Variants in NAALADL2 observed in about 807,000 individuals in gnomAD.
The protein encoded by NAALADL2 is N-acetylated alpha-linked acidic dipeptidase like 2.
Under a neutral mutation model 87.2 loss-of-function variants are expected in NAALADL2, and 76 were observed. That is an observed-to-expected ratio of 0.87 (90% CI 0.72 to 1.05). NAALADL2 has a LOEUF of 1.05. Ranked by LOEUF, NAALADL2 falls within the 50% of genes least tolerant of loss-of-function variation. The pLI is 0.00. For synonymous variants in NAALADL2, 354 were observed against 331.0 expected, an observed-to-expected ratio of 1.07 and a Z score of -0.75; for missense variants, 1,089 against 945.8, an observed-to-expected ratio of 1.15 and a Z score of -1.99.
At chr3:175,719,453 A>G (rs1234554324) in intron 11 of NAALADL2, among the ~76,000 whole-genome samples, 1 of 152,160 alleles carries the variant, frequency 6.6e-6, no homozygotes, top group Admixed American at 6.5e-5. Context: ...ACAGGTTTAT[A>G]TTATTCACAT....
At chr3:175,449,488 C>T (rs959923744) in intron 6 of NAALADL2, among the ~76,000 whole-genome samples, 8 of 150,742 alleles carry the variant, frequency 5.3e-5, no homozygotes, top group South Asian at 2.1e-4. Flanking sequence ...CTCCGCCTCC[C>T]GGGTTCACAC....
chr3:174,575,932 C>T (rs949067983), intron 2 of NAALADL2, among the ~76,000 whole-genome samples: 2 of 152,022 alleles, frequency 1.3e-5, no homozygotes, highest in African/African-American at 2.4e-5. Context: ...TGTGCGATCT[C>T]GGCTCACAGC....
At chr3:174,882,810 TGC>T (rs1374061836) in intron 1 of NAALADL2, among the ~76,000 whole-genome samples, 8 of 103,532 alleles carry the variant, frequency 7.7e-5, no homozygotes, top group Non-Finnish European at 1.3e-4. Context: ...TGTGTATATG[TGC>T]ATATGTGTAT....
intron 2 of NAALADL2, among the ~76,000 whole-genome samples, chr3:174,554,440 C>T (rs1374117020): frequency 6.6e-6 from 1 of 151,602 alleles, no homozygotes; most frequent in Non-Finnish European, 1.5e-5. Context: ...CTTCCCTTCC[C>T]TTCTCTTCAC....
intron 11 of NAALADL2, among the ~76,000 whole-genome samples, chr3:175,698,971 A>G (rs973762904): frequency 6.6e-6 from 1 of 151,978 alleles, no homozygotes; most frequent in African/African-American, 2.4e-5. Flanking sequence ...AGTAAGCTCA[A>G]ACTTTGAATA....
chr3:174,902,122 A>G (rs1383888670), intron 1 of NAALADL2, among the ~76,000 whole-genome samples: 1 of 152,132 alleles, frequency 6.6e-6, no homozygotes, highest in African/African-American at 2.4e-5. Context: ...TGATGCTGCT[A>G]GTTTGTGGAC....
chr3:175,785,833 T>C (rs1160865498), intron 13 of NAALADL2, among the ~76,000 whole-genome samples: 17 of 151,008 alleles, frequency 1.1e-4, no homozygotes, highest in Non-Finnish European at 1.5e-4. Flanking sequence ...GATTTTGCAG[T>C]GGCTGGTACC....
chr3:174,736,764 C>T (rs755467251), intron 2 of NAALADL2, among the ~76,000 whole-genome samples: 4 of 152,142 alleles, frequency 2.6e-5, no homozygotes, highest in Admixed American at 1.3e-4. Flanking sequence ...GCAGTTTTAC[C>T]GGGGAGCCGT....
At chr3:175,793,259 G>C (rs2108301196) in intron 13 of NAALADL2, among the ~76,000 whole-genome samples, 1 of 149,972 alleles carries the variant, frequency 6.7e-6, no homozygotes, top group East Asian at 2.0e-4. Flanking sequence ...ATATGACATA[G>C]AGAGGCAAGA....
In NAALADL2 at chr3:175,096,770, T is replaced by G; in HGVS notation, c.44-20T>G. ...ATTGTGTGTTTATTTTATTAAAATA[T>G]ATTTTTCTTATTTTCACAGGTAAAA... On this transcript the variant is annotated intron_variant, in intron 1 of 13. Coordinates refer to ENST00000454872, the MANE Select transcript of NAALADL2 (RefSeq NM_207015.3). The G allele has an allele frequency of 5.0e-6, 7 of 1,406,760 alleles. No homozygotes were observed. Among genetic ancestry groups the G allele is most frequent in the Non-Finnish European group, 5.6e-6 (6 of 1,065,702 alleles). The allele number at this position is 1,406,760 out of a possible 1,614,324, so 87.1% of individuals were successfully genotyped here.
At chr3:175,627,058 T>G (rs1727084550) in intron 10 of NAALADL2, among the ~76,000 whole-genome samples, 1 of 151,842 alleles carries the variant, frequency 6.6e-6, no homozygotes, top group African/African-American at 2.4e-5. Flanking sequence ...TAATTAAATA[T>G]TAATCTATTT....
intron 3 of NAALADL2, among the ~76,000 whole-genome samples, chr3:174,771,167 C>G (rs960850925): frequency 2.0e-5 from 3 of 152,148 alleles, no homozygotes; most frequent in Non-Finnish European, 4.4e-5. Context: ...ACCCAACACA[C>G]TTTTGGGTAT....
intron 1 of NAALADL2, among the ~76,000 whole-genome samples, chr3:174,498,792 T>A (rs1381464991): frequency 6.6e-6 from 1 of 151,976 alleles, no homozygotes; most frequent in Non-Finnish European, 1.5e-5. Flanking sequence ...AATAGAAGCA[T>A]AGTGGTATCC....
chr3:174,887,640 T>TA (rs946602570), intron 1 of NAALADL2, among the ~76,000 whole-genome samples: 3 of 151,908 alleles, frequency 2.0e-5, no homozygotes, highest in African/African-American at 7.3e-5. Flanking sequence ...ACAAAAAACT[T>TA]AAAAAAATTA....
At chr3:175,253,067 T>C (rs1031894398) in intron 3 of NAALADL2, among the ~76,000 whole-genome samples, 1 of 152,182 alleles carries the variant, frequency 6.6e-6, no homozygotes, top group East Asian at 1.9e-4. Context: ...AAGGTACTAA[T>C]GAAAGTGGCT....
chr3:175,404,053 G>A (rs1317982606), intron 5 of NAALADL2, among the ~76,000 whole-genome samples: 1 of 152,000 alleles, frequency 6.6e-6, no homozygotes, highest in Non-Finnish European at 1.5e-5. Context: ...AACATTTGGG[G>A]GACATAGATG....
chr3:174,830,254 A>G (rs1370588742), intron 3 of NAALADL2, among the ~76,000 whole-genome samples: 6 of 148,040 alleles, frequency 4.1e-5, no homozygotes, highest in Non-Finnish European at 7.5e-5. Flanking sequence ...TTTTAGGTCT[A>G]ACGTTTAAGT....
chr3:175,309,702 C>T (rs2110291522), intron 4 of NAALADL2, among the ~76,000 whole-genome samples: 1 of 151,788 alleles, frequency 6.6e-6, no homozygotes, highest in East Asian at 1.9e-4. Context: ...CCCTCTTTCT[C>T]TTCTTTATCA....
At chr3:175,276,146 A>AG (rs964330697) in intron 4 of NAALADL2, among the ~76,000 whole-genome samples, 2 of 151,332 alleles carry the variant, frequency 1.3e-5, no homozygotes, top group African/African-American at 4.9e-5. Context: ...TGAAGTAAAA[A>AG]AAAAATTATG....
Sources: gnomAD v4.1 joint callset for allele counts (sites outside exome capture counted in the v4.1 genomes callset) on GRCh38, gnomAD v4.1.1 for gene constraint, MANE v1.5 for transcripts, NCBI Gene and HGNC (gene_info 2026-07-23, HGNC 2026-07-21) for gene names.